FAM221A: variants seen among roughly 807,000 people sequenced by gnomAD.
FAM221A encodes protein FAM221A.
In FAM221A, 43 loss-of-function variants were observed where a neutral mutation model predicts 37.6. The observed-to-expected ratio is 1.15, with a 90% CI of 0.90 to 1.48. FAM221A has a LOEUF of 1.48. Ranked by LOEUF, FAM221A falls within the 40% of genes most tolerant of loss-of-function variation. The probability of loss-of-function intolerance (pLI) is 0.00; values close to 1 mark genes in which losing one functional copy is unlikely to be tolerated. For missense variants in FAM221A, 361 were observed against 361.5 expected, an observed-to-expected ratio of 1.00 and a Z score of 0.01; for synonymous variants, 135 against 132.9, an observed-to-expected ratio of 1.02 and a Z score of -0.11.
rs142664119 is a variant in FAM221A at position 23,691,500 on chromosome 7, C to G, written c.541C>G (p.Pro181Ala). Residue 181 changes from proline (P) to alanine (A), a missense_variant, in exon 4 of 7, where the codon CCA becomes GCA. Coordinates refer to ENST00000344962, the MANE Select transcript of FAM221A (RefSeq NM_199136.5). The part of the protein sequence containing the change: ...TKQERLAQEK[P>A]VGQDIPYAAM... Reference sequence around the variant, plus strand: ...GCAAGAAAGATTGGCTCAGGAAAAACCAGTGGGACAGGACATTCCTTATGC... The same window carrying G: ...GCAAGAAAGATTGGCTCAGGAAAAAGCAGTGGGACAGGACATTCCTTATGC... 6.2e-6 allele frequency: 10 copies of G among 1,614,204 alleles called. No individual in the cohort carries two copies. The highest frequency in any genetic ancestry group is 8.5e-6 in the Non-Finnish European group (10 of 1,180,036).
At chr7:23,682,152 ACCT>A (rs1443973815) in intron 1 of FAM221A, among the ~76,000 whole-genome samples, 1 of 148,792 alleles carries the variant, frequency 6.7e-6, no homozygotes, top group African/African-American at 2.5e-5. Flanking sequence ...TGCAACCTTG[ACCT>A]CCTGAGCTGA....
Position 23,691,537 on chromosome 7 carries a change from G to T in FAM221A, c.578G>T (p.Gly193Val). Residue 193 changes from glycine (G) to valine (V), a missense_variant, in exon 4 of 7, where the codon GGA becomes GTA. By Grantham distance (109) the Gly-to-Val change is moderately radical. Coordinates refer to ENST00000344962, the MANE Select transcript of FAM221A (RefSeq NM_199136.5). ...GACATTCCTTATGCAGCCATGGGAG[G>T]ATTAACTGGTTTCAGCTCGCTGGCG... ...GQDIPYAAMGGLTGFSSLAEG... is the reference protein window; with the variant it reads ...GQDIPYAAMGVLTGFSSLAEG... 6.2e-7 allele frequency: 1 copy of T among 1,614,180 alleles called. No homozygotes were observed. Among genetic ancestry groups the T allele is most frequent in the Non-Finnish European group, 8.5e-7 (1 of 1,180,024 alleles).
rs576672162 is a variant in FAM221A, at chr7:23,691,347, A to ATAG, written c.431-40_431-38dup. 52 of 1,593,700 alleles carry ATAG rather than the reference A, an allele frequency of 3.3e-5. No homozygotes were observed. In the East Asian group the frequency reaches 1.1e-3, roughly 34 times the overall value. On this transcript the variant is annotated intron_variant, in intron 3 of 6. Transcript: ENST00000344962. ...GCTAAGTGTCTTTAGGGTAGACAAC[A>ATAG]TAGTACCTTTAAGAATTTAACTCCC...
At chr7:23,692,859 G>A in intron 4 of FAM221A, 1 of 586,272 alleles carries the variant, frequency 1.7e-6, no homozygotes, top group Non-Finnish European at 2.1e-6. Flanking sequence ...TTAAGAGATA[G>A]GGTCTTGCTA....
In FAM221A at chr7:23,686,196, T is replaced by G. The variant is rs146135659; in HGVS notation, c.239+1524T>G. On this transcript the variant is annotated intron_variant, in intron 2 of 6. Coordinates refer to ENST00000344962, the MANE Select transcript of FAM221A (RefSeq NM_199136.5). ...TTTTATAATTTATTCTTACACAAAT[T>G]TAGTGCCACTTTCTAATCTCTGTAT... 2.6e-3 allele frequency: 832 copies of G among 317,472 alleles called. 24 individuals carry two copies. In the East Asian group the frequency reaches 0.078, roughly 30 times the overall value. The allele number at this position is 317,472 out of a possible 1,614,324, so 19.7% of individuals were successfully genotyped here. A position where few individuals can be genotyped will look rare whatever the true frequency, so the allele number is the denominator to read the frequency against.
At chr7:23,687,040 C>T (rs1369715373) in intron 2 of FAM221A, 1 of 152,262 alleles carries the variant, frequency 6.6e-6, no homozygotes, top group Non-Finnish European at 1.5e-5. Context: ...CTGCCTTGGC[C>T]TCCCACAGTG....
chr7:23,700,723 CTTTT>C (rs1785368705), intron 5 of FAM221A, 59 bp from the exon 6 acceptor site: 1 of 1,093,964 alleles, frequency 9.1e-7, no homozygotes, highest in Non-Finnish European at 1.3e-6. Flanking sequence ...ACTTTTCTTT[CTTTT>C]ATTTCAGGGG....
At chr7:23,697,275 A>G (rs1368192697) in intron 4 of FAM221A, among the ~76,000 whole-genome samples, 2 of 152,206 alleles carry the variant, frequency 1.3e-5, no homozygotes, top group African/African-American at 4.8e-5. Context: ...TGTTTATGTT[A>G]TAAGATGGGG....
At position 23,684,575 on chromosome 7, in the gene FAM221A, C is replaced by T; in HGVS notation, c.142C>T (p.Leu48=). The change falls in exon 2 of 7, where the codon CTG becomes TTG. Residue 48 remains leucine (L), a synonymous_variant. Coordinates refer to ENST00000344962, the MANE Select transcript of FAM221A (RefSeq NM_199136.5). ...YEEYKRKVLP[L]RLQNRLFVSW... ...AGAATACAAAAGAAAAGTTTTACCT[C>T]TGCGCTTACAAAACAGATTATTTGT... is the stretch of plus-strand genomic sequence containing the variant. 6.2e-7 allele frequency: 1 copy of T among 1,614,100 alleles called. No homozygotes were observed. The highest frequency in any genetic ancestry group is 8.5e-7 in the Non-Finnish European group (1 of 1,179,992).
Position 23,702,168 on chromosome 7 carries a change from C to G in FAM221A, c.*4C>G. ...ATCAGCTACAAAACCTTCATGAAGA[C>G]TATTGGAGAAATTAAAACCATCATC... On this transcript the variant is annotated 3_prime_UTR_variant, in exon 7 of 7. Coordinates refer to ENST00000344962, the MANE Select transcript of FAM221A (RefSeq NM_199136.5). 1 of 1,566,588 alleles carries G rather than the reference C, an allele frequency of 6.4e-7. No individual in the cohort carries two copies. The highest frequency in any genetic ancestry group is 8.7e-7 in the Non-Finnish European group (1 of 1,152,542).
intron 2 of FAM221A, 41 bp downstream of exon 2, chr7:23,684,713 TA>T: frequency 6.5e-7 from 1 of 1,528,486 alleles, no homozygotes; most frequent in Non-Finnish European, 8.9e-7. Flanking sequence ...AATTAGAAAA[TA>T]AAAAGCTAAG....
At chr7:23,692,146 G>C in intron 4 of FAM221A, 1 of 932,428 alleles carries the variant, frequency 1.1e-6, no homozygotes, top group Admixed American at 6.2e-5. Context: ...AAATAATGTA[G>C]GGAAAGTTTA....
intron 2 of FAM221A, chr7:23,686,266 ACT>A: frequency 2.3e-6 from 1 of 427,996 alleles, no homozygotes; most frequent in Non-Finnish European, 4.6e-6. Flanking sequence ...ATCCAACTCA[ACT>A]TTTTTTTTTT....
chr7:23,688,897 A>C (rs2128040551), intron 2 of FAM221A: 1 of 155,074 alleles, frequency 6.4e-6, no homozygotes, highest in Middle Eastern at 3.2e-3. Context: ...CAGCCTCCCA[A>C]AGTGCTGGGA....
chr7:23,689,364 T>A lies in FAM221A; in HGVS notation c.335T>A (p.Leu112His). ...QVTGCQCRAY[L>H]YVPLNGSQPI... ...ACTGGCTGCCAGTGCAGGGCTTACC[T>A]TTATGTCCCCTTGAATGGTAGCCAG... Residue 112 changes from leucine (L) to histidine (H), a missense_variant, in exon 3 of 7, where the codon CTT becomes CAT. Coordinates refer to ENST00000344962, the MANE Select transcript of FAM221A (RefSeq NM_199136.5). 1 of 1,609,274 alleles carries A rather than the reference T, an allele frequency of 6.2e-7. No homozygotes were observed. Among genetic ancestry groups the A allele is most frequent in the Non-Finnish European group, 8.5e-7 (1 of 1,176,438 alleles).
intron 1 of FAM221A, among the ~76,000 whole-genome samples, chr7:23,684,085 G>A (rs1784218927): frequency 6.6e-6 from 1 of 152,136 alleles, no homozygotes; most frequent in Non-Finnish European, 1.5e-5. Context: ...GCTGAATCAT[G>A]GAGGTTTGGG....
chr7:23,684,372 C>A, intron 1 of FAM221A, 127 bp from the exon 2 acceptor site: 1 of 763,664 alleles, frequency 1.3e-6, no homozygotes, highest in South Asian at 2.2e-5. Context: ...CCTGCCACAT[C>A]TGTAAGAAAA....
intron 1 of FAM221A, among the ~76,000 whole-genome samples, chr7:23,683,572 A>G (rs536088058): frequency 2.0e-5 from 3 of 152,372 alleles, no homozygotes; most frequent in East Asian, 1.9e-4. Context: ...CTTTGCTTCA[A>G]TATCAAAGGA....
Position 23,691,417 on chromosome 7 carries a change from G to C in FAM221A, c.458G>C (p.Cys153Ser). The change falls in exon 4 of 7, where the codon TGC (cysteine) becomes TCC (serine). Residue 153 changes from cysteine to serine, a missense_variant. Cys to Ser is a moderately radical substitution (Grantham distance 112). Transcript: ENST00000344962. ...TCCAAGTGTTCAGGATTCCATAGCT[G>C]CTTCACTTGTGCTTGTGGTCAGCCT... ...TCSKCSGFHS[C>S]FTCACGQPAY... 1 of 1,614,154 alleles carries C rather than the reference G, an allele frequency of 6.2e-7. No individual in the cohort carries two copies. The highest frequency in any genetic ancestry group is 8.5e-7 in the Non-Finnish European group (1 of 1,180,014).
Sources: gnomAD v4.1 joint callset for allele counts (sites outside exome capture counted in the v4.1 genomes callset) on GRCh38, gnomAD v4.1.1 for gene constraint, MANE v1.5 for transcripts, NCBI Gene and HGNC (gene_info 2026-07-23, HGNC 2026-07-21) for gene names.